The following RABGAP1L variants were observed in gnomAD, a reference collection of about 807,000 sequenced individuals.
RABGAP1L encodes rab GTPase-activating protein 1-like.
Under a neutral mutation model 137.7 loss-of-function variants are expected in RABGAP1L, and 63 were observed. The observed-to-expected ratio is 0.46, with a 90% CI of 0.37 to 0.56. The LOEUF is 0.56. Among genes scored for constraint, RABGAP1L ranks in the 20% least tolerant of loss-of-function variants. RABGAP1L has a pLI of 0.00. For synonymous variants in RABGAP1L, 431 were observed against 433.7 expected (o/e 0.99, Z 0.08); for missense variants, 1,095 against 1,244.0 (o/e 0.88, Z 1.80).
At chr1:174,765,334 T>C (rs1336944782) in intron 18 of RABGAP1L, among the ~76,000 whole-genome samples, 2 of 152,242 alleles carry the variant, frequency 1.3e-5, no homozygotes, top group African/African-American at 2.4e-5. Flanking sequence ...CATATTTTCA[T>C]GTGCTTATTG....
In RABGAP1L at chr1:174,610,397, A is replaced by G. The variant is rs571441361; in HGVS notation, c.1711-26978A>G. On this transcript the variant is annotated intron_variant, in intron 13 of 25. Transcript: ENST00000681986. ...AAAGGACATGAACTCATCATTTTTT[A>G]TGGCTGCATAGTATTCCATGGTGTA... 1.6e-3 allele frequency among the ~76,000 whole-genome samples: 240 copies of G among 151,620 alleles called. 1 individual carries two copies. Among genetic ancestry groups the G allele is most frequent in the Middle Eastern group, 0.014 (4 of 294 alleles).
chr1:174,748,298 GTAGTT>G (rs2148667758), intron 17 of RABGAP1L, among the ~76,000 whole-genome samples: 1 of 152,296 alleles, frequency 6.6e-6, no homozygotes, highest in East Asian at 1.9e-4. Context: ...GAAAGCTAGT[GTAGTT>G]TAATCATTCA....
intron 10 of RABGAP1L, among the ~76,000 whole-genome samples, chr1:174,282,491 A>G (rs987347375): frequency 2.6e-5 from 4 of 152,096 alleles, no homozygotes; most frequent in African/African-American, 7.2e-5. Flanking sequence ...CTGAGTTGCA[A>G]GAGTTGTTTA....
At chr1:174,183,027 G>A (rs539143763) in intron 1 of RABGAP1L, among the ~76,000 whole-genome samples, 3 of 152,230 alleles carry the variant, frequency 2.0e-5, no homozygotes, top group African/African-American at 7.2e-5. Context: ...TTTCATAACA[G>A]CATGCATAAT....
intron 17 of RABGAP1L, among the ~76,000 whole-genome samples, chr1:174,711,504 G>A (rs1009333247): frequency 3.2e-4 from 49 of 152,254 alleles, no homozygotes; most frequent in Non-Finnish European, 5.4e-4. Flanking sequence ...GCTGGCCTGC[G>A]CTGCTGGCCC....
At chr1:174,446,876 A>G (rs1654830701) in intron 13 of RABGAP1L, among the ~76,000 whole-genome samples, 1 of 152,242 alleles carries the variant, frequency 6.6e-6, no homozygotes, top group Non-Finnish European at 1.5e-5. Flanking sequence ...AACATAGAAC[A>G]TGAAGCCTAT....
intron 13 of RABGAP1L, among the ~76,000 whole-genome samples, chr1:174,574,406 C>A (rs929890779): frequency 1.2e-4 from 18 of 152,024 alleles, no homozygotes; most frequent in African/African-American, 3.9e-4. Context: ...TCTGAAGGCT[C>A]ATATCGATCT....
At chr1:174,621,720 T>C (rs931520529) in intron 13 of RABGAP1L, among the ~76,000 whole-genome samples, 1 of 152,174 alleles carries the variant, frequency 6.6e-6, no homozygotes, top group African/African-American at 2.4e-5. Context: ...GATTAAAGAC[T>C]TAAACGTTAG....
At chr1:174,474,598 T>TG (rs1558265016) in intron 13 of RABGAP1L, among the ~76,000 whole-genome samples, 87 of 148,570 alleles carry the variant, frequency 5.9e-4, no homozygotes, top group African/African-American at 9.5e-4. Flanking sequence ...TGATGATGAT[T>TG]ATTATTATTA....
chr1:174,791,449 G>A (rs1687855682), intron 18 of RABGAP1L, among the ~76,000 whole-genome samples: 1 of 152,140 alleles, frequency 6.6e-6, no homozygotes. Context: ...TTACTAGGAT[G>A]AGTACAACAC....
chr1:174,924,524 A>T (rs891013544), intron 19 of RABGAP1L, among the ~76,000 whole-genome samples: 3 of 152,140 alleles, frequency 2.0e-5, no homozygotes, highest in African/African-American at 7.2e-5. Context: ...CTAAAGGATG[A>T]CTTTGCTTCC....
chr1:174,800,925 C>T (rs1327654559), intron 18 of RABGAP1L, among the ~76,000 whole-genome samples: 1 of 152,108 alleles, frequency 6.6e-6, no homozygotes, highest in Non-Finnish European at 1.5e-5. Flanking sequence ...CATTAGATTG[C>T]CAATTTGATT....
chr1:174,751,818 G>C (rs2148676275), intron 17 of RABGAP1L, among the ~76,000 whole-genome samples: 1 of 152,092 alleles, frequency 6.6e-6, no homozygotes, highest in African/African-American at 2.4e-5. Context: ...AAAACAATAA[G>C]AACTGTAGTG....
intron 11 of RABGAP1L, among the ~76,000 whole-genome samples, chr1:174,368,806 G>C (rs955712366): frequency 1.3e-5 from 2 of 151,820 alleles, no homozygotes; most frequent in African/African-American, 4.8e-5. Context: ...ATGGTAACTT[G>C]ATTTTGTTCT....
At chr1:174,199,478 G>T (rs376029159) in intron 1 of RABGAP1L, among the ~76,000 whole-genome samples, 11 of 152,198 alleles carry the variant, frequency 7.2e-5, no homozygotes, top group East Asian at 5.8e-4. Flanking sequence ...TTTTAGTAGA[G>T]ATGGGGTTTC....
intron 13 of RABGAP1L, among the ~76,000 whole-genome samples, chr1:174,468,581 T>C (rs377435198): frequency 6.6e-6 from 1 of 152,196 alleles, no homozygotes; most frequent in Non-Finnish European, 1.5e-5. Context: ...GGGCAGATAT[T>C]TTTGTGTAGT....
chr1:174,615,999 GC>G (rs1557904663), intron 13 of RABGAP1L, among the ~76,000 whole-genome samples: 6 of 152,218 alleles, frequency 3.9e-5, no homozygotes, highest in Non-Finnish European at 5.9e-5. Context: ...TCTTTGGCTA[GC>G]AAAGGGAACT....
At chr1:174,401,611 G>C (rs984046794) in intron 13 of RABGAP1L, among the ~76,000 whole-genome samples, 2 of 152,128 alleles carry the variant, frequency 1.3e-5, no homozygotes, top group African/African-American at 4.8e-5. Context: ...GTAGCACCCT[G>C]TTATCTACTT....
chr1:174,191,225 G>A (rs542768999), intron 1 of RABGAP1L, among the ~76,000 whole-genome samples: 1 of 152,158 alleles, frequency 6.6e-6, no homozygotes, highest in Admixed American at 6.5e-5. Context: ...TGTGAATTTT[G>A]CATTTCATTG....
Sources: allele counts gnomAD v4.1 joint callset (sites outside exome capture counted in the v4.1 genomes callset), GRCh38; gene constraint gnomAD v4.1.1; transcripts MANE v1.5; gene names NCBI Gene and HGNC (gene_info 2026-07-23, HGNC 2026-07-21).